Variants in TCEA2 observed in about 807,000 individuals in gnomAD.
TCEA2 encodes transcription elongation factor A2.
TCEA2 carries 21 observed loss-of-function variants against 40.8 expected under a neutral mutation model. The observed-to-expected ratio is 0.51, with a 90% CI of 0.36 to 0.74. TCEA2 has a LOEUF of 0.74. Among genes scored for constraint, TCEA2 ranks in the 30% least tolerant of loss-of-function variants. The probability of loss-of-function intolerance (pLI) is 0.00; values close to 1 mark genes in which losing one functional copy is unlikely to be tolerated. For missense variants in TCEA2, 326 were observed against 426.5 expected (o/e 0.76, Z 2.08); for synonymous variants, 165 against 162.7 (o/e 1.01, Z -0.11).
At chr20:64,059,384 A>G (rs1384117398), upstream of TCEA2, among the ~76,000 whole-genome samples, 2 of 151,692 alleles carry the variant, frequency 1.3e-5, no homozygotes, top group Non-Finnish European at 2.9e-5. Flanking sequence ...CATCGTCTCT[A>G]TAGGCCCTGT....
chr20:64,071,716 G>A, intron 8 of TCEA2, 154 bp from the exon 9 acceptor site: 1 of 767,818 alleles, frequency 1.3e-6, no homozygotes, highest in South Asian at 1.9e-5. Flanking sequence ...TCCCCCGGAG[G>A]CTCAGCTTTG....
At chr20:64,058,825 A>G (rs2059508707), upstream of TCEA2, among the ~76,000 whole-genome samples, 3 of 152,170 alleles carry the variant, frequency 2.0e-5, no homozygotes, top group Admixed American at 2.0e-4. This position sits in a 1 kb window ranked among gnomAD's most constrained non-coding sequence, Gnocchi z 6.7. Context: ...CCACGGGCCC[A>G]GCTGACCAGA....
intron 1 of TCEA2, chr20:64,066,270 TG>T (rs113702522): frequency 2.9e-4 from 162 of 556,674 alleles, no homozygotes; most frequent in African/African-American, 2.8e-3. Context: ...CCTTCTTGAC[TG>T]AGCAGTAAGG....
rs759498809 is a variant in TCEA2, at chr20:64,070,662, C to CG, written c.819+30dup. The CG allele has an allele frequency of 1.6e-5, 25 of 1,521,194 alleles. No individual in the cohort carries two copies. The African/African-American group carries it at 3.0e-4, about 18-fold the overall frequency. 94.2% of individuals were successfully genotyped at this position (1,521,194 alleles called of 1,614,324 possible). On this transcript the variant is annotated intron_variant, in intron 8 of 9. Coordinates refer to ENST00000343484, the MANE Select transcript of TCEA2 (RefSeq NM_003195.6). ...TGAGCGGCCGCTGGGCACCCTCCCC[C>CG]GGGCCCGGTGTCTTCAGGGCATCTG...
Position 64,066,964 on chromosome 20 carries a change from A to T in TCEA2, c.185A>T (p.Asp62Val), listed in dbSNP as rs199843509. The change falls in exon 3 of 10, where the codon GAT becomes GTT. Residue 62 changes from aspartate (D) to valine (V), a missense_variant. Transcript: ENST00000343484. ...SVNALRKQSS[D>V]EEVIALAKSL... The stretch of plus-strand genomic sequence containing the variant: ...AACGCCCTTCGGAAGCAGAGCTCGG[A>T]TGAGGAGGTCATTGCACTGGCCAAG... 2.0e-4 allele frequency: 330 copies of T among 1,613,902 alleles called. 3 individuals are homozygous for T. Among genetic ancestry groups the T allele is most frequent in the Non-Finnish European group, 1.6e-5 (19 of 1,179,990 alleles).
chr20:64,069,561 C>G, intron 5 of TCEA2, 70 bp downstream of exon 5: 1 of 1,578,882 alleles, frequency 6.3e-7, no homozygotes, highest in South Asian at 1.1e-5. Context: ...CCTGCCTGCC[C>G]GCAGAGGCCT....
chr20:64,061,610 C>T (rs1196203458), upstream of TCEA2, among the ~76,000 whole-genome samples: 2 of 151,918 alleles, frequency 1.3e-5, no homozygotes, highest in Non-Finnish European at 2.9e-5. Context: ...AGGGTTTCAC[C>T]ATGTTGGCCA....
upstream of TCEA2, among the ~76,000 whole-genome samples, chr20:64,055,947 A>G (rs138932834): frequency 1.6e-3 from 248 of 152,090 alleles, no homozygotes; most frequent in African/African-American, 5.7e-3. This position sits in a 1 kb window ranked among gnomAD's most constrained non-coding sequence, Gnocchi z 4.0. Flanking sequence ...GGCTTCACCC[A>G]TAGCCCCGAC....
upstream of TCEA2, among the ~76,000 whole-genome samples, chr20:64,056,482 C>T (rs779464381): frequency 4.6e-5 from 7 of 152,038 alleles, no homozygotes; most frequent in Non-Finnish European, 1.0e-4. Context: ...GGCGCAGAGA[C>T]GGCTCCTAGG....
At chr20:64,067,607 T>C (rs2059726463) in intron 3 of TCEA2, among the ~76,000 whole-genome samples, 2 of 146,550 alleles carry the variant, frequency 1.4e-5, no homozygotes, top group African/African-American at 4.9e-5. Flanking sequence ...TGAAACAGTC[T>C]CTCTCCAGCC....
chr20:64,070,829 C>T (rs939363368), intron 8 of TCEA2, among the ~76,000 whole-genome samples, 194 bp downstream of exon 8: 3 of 152,218 alleles, frequency 2.0e-5, no homozygotes, highest in Non-Finnish European at 2.9e-5. Flanking sequence ...CTCCACGGGG[C>T]GGCGTCTTGG....
At chr20:64,059,660 G>A (rs2059526157), upstream of TCEA2, among the ~76,000 whole-genome samples, 1 of 152,058 alleles carries the variant, frequency 6.6e-6, no homozygotes, top group African/African-American at 2.4e-5. Context: ...TGGTGGGGGC[G>A]GGGAGTGCAA....
chr20:64,071,856 A>G lies in TCEA2; in HGVS notation c.820-14A>G, dbSNP rs755869734. 23 of 1,613,846 alleles carry G rather than the reference A, an allele frequency of 1.4e-5. No individual in the cohort carries two copies. Among genetic ancestry groups the G allele is most frequent in the East Asian group, 6.7e-5 (3 of 44,890 alleles). ...CATGGAGGTGACCCTGGGTTCACCC[A>G]GCCCTGTTCACAGGTGCAGACCCGC... On this transcript the variant is annotated splice_polypyrimidine_tract_variant and intron_variant, in intron 8 of 9. Transcript: ENST00000343484.
intron 4 of TCEA2, among the ~76,000 whole-genome samples, chr20:64,068,528 C>T (rs1382599129): frequency 6.6e-6 from 1 of 152,252 alleles, no homozygotes; most frequent in Non-Finnish European, 1.5e-5. Context: ...GAACCAAAGG[C>T]GGGGGCCAAC....
upstream of TCEA2, among the ~76,000 whole-genome samples, chr20:64,061,083 G>T (rs978404078): frequency 1.1e-4 from 15 of 137,144 alleles, no homozygotes; most frequent in Non-Finnish European, 1.8e-4. Context: ...GAGCCACCGC[G>T]CCCAGCCTGA....
chr20:64,071,097 C>A (rs1196323400), intron 8 of TCEA2, among the ~76,000 whole-genome samples: 1 of 152,234 alleles, frequency 6.6e-6, no homozygotes, highest in East Asian at 1.9e-4. Flanking sequence ...CATCTGTAAT[C>A]CCAGCACTTT....
chr20:64,069,827 CT>C lies in TCEA2; in HGVS notation c.517+9del. On this transcript the variant is annotated splice_region_variant and intron_variant, in intron 6 of 9. Transcript: ENST00000343484. ...GTCGGCTCAGATCGAGGAATATATC[CT>C]TTGGGTAGGGGCTGTGGGCCTGGGT... is the stretch of plus-strand genomic sequence containing the variant. The C allele has an allele frequency of 6.2e-7, 1 of 1,613,406 alleles. No homozygotes were observed. The highest frequency in any genetic ancestry group is 8.5e-7 in the Non-Finnish European group (1 of 1,180,006).
chr20:64,063,489 G>C, intron 1 of TCEA2, 105 bp downstream of exon 1: 1 of 1,287,842 alleles, frequency 7.8e-7, no homozygotes, highest in Non-Finnish European at 1.1e-6. Context: ...GGGGCAGGAC[G>C]AGACCCCTCC....
At chr20:64,064,339 T>G (rs1330068554) in intron 1 of TCEA2, 2 of 152,336 alleles carry the variant, frequency 1.3e-5, no homozygotes, top group African/African-American at 2.4e-5. Context: ...GTGTGAGGAC[T>G]TTGAAGGGGC....
Sources: gnomAD v4.1 joint callset for allele counts (sites outside exome capture counted in the v4.1 genomes callset) on GRCh38, gnomAD v4.1.1 for gene constraint, Gnocchi (gnomAD v3.1) non-coding constraint, MANE v1.5 for transcripts, NCBI Gene and HGNC (gene_info 2026-07-23, HGNC 2026-07-21) for gene names.